Variants in CFAP61 observed in about 807,000 individuals in gnomAD.
CFAP61 encodes cilia and flagella associated protein 61.
Under a neutral mutation model 135.6 loss-of-function variants are expected in CFAP61, and 107 were observed. The observed-to-expected ratio is 0.79, with a 90% CI of 0.67 to 0.93. The LOEUF (loss-of-function observed/expected upper bound fraction) is 0.93. Among genes scored for constraint, CFAP61 ranks in the 40% least tolerant of loss-of-function variants. The probability of loss-of-function intolerance (pLI) is 0.00; values close to 1 mark genes in which losing one functional copy is unlikely to be tolerated. For synonymous variants in CFAP61, 575 were observed against 578.5 expected (o/e 0.99, Z 0.09); for missense variants, 1,507 against 1,556.2 (o/e 0.97, Z 0.53).
chr20:20,241,646 G>A (rs1464370164), intron 18 of CFAP61, among the ~76,000 whole-genome samples: 1 of 152,036 alleles, frequency 6.6e-6, no homozygotes, highest in African/African-American at 2.4e-5. Flanking sequence ...AGATGTAGCT[G>A]GATAATTATT....
intron 8 of CFAP61, among the ~76,000 whole-genome samples, chr20:20,100,993 A>G (rs1000292364): frequency 1.3e-5 from 2 of 152,240 alleles, no homozygotes; most frequent in African/African-American, 4.8e-5. Context: ...CTTTATGTTC[A>G]TTGACACAAA....
At chr20:20,356,110 T>G (rs1170025725) in intron 26 of CFAP61, among the ~76,000 whole-genome samples, 2 of 12,574 alleles carry the variant, frequency 1.6e-4, no homozygotes, top group Non-Finnish European at 2.3e-3. Flanking sequence ...GGGGAGGTGG[T>G]CACACTGAGG....
chr20:20,055,978 C>T (rs201513392), intron 1 of CFAP61: 18 of 1,610,598 alleles, frequency 1.1e-5, no homozygotes, highest in East Asian at 6.7e-5. Context: ...CCCAAAGTGT[C>T]CTTCTGGAAC....
intron 7 of CFAP61, among the ~76,000 whole-genome samples, chr20:20,095,226 G>A (rs1318566398): frequency 6.6e-6 from 1 of 152,052 alleles, no homozygotes; most frequent in African/African-American, 2.4e-5. Flanking sequence ...AGATCACACT[G>A]TTCACTTGAC....
chr20:20,123,241 G>C (rs757488178), intron 8 of CFAP61, among the ~76,000 whole-genome samples: 1 of 151,422 alleles, frequency 6.6e-6, no homozygotes, highest in African/African-American at 2.4e-5. Context: ...TCTGCTAACC[G>C]TTCCTTTTGC....
At chr20:20,086,701 G>A (rs1002597500) in intron 6 of CFAP61, among the ~76,000 whole-genome samples, 4 of 152,126 alleles carry the variant, frequency 2.6e-5, no homozygotes, top group Admixed American at 1.3e-4. Context: ...CCCAGTTCAC[G>A]TTGGCTATTG....
chr20:20,299,664 G>A lies in CFAP61; in HGVS notation c.3422+1278G>A, dbSNP rs182335557. Among the ~76,000 whole-genome samples the A allele has an allele frequency of 4.0e-4, 61 of 152,296 alleles. 1 individual carries two copies. The South Asian group carries it at 6.6e-3, about 17-fold the overall frequency. On this transcript the variant is annotated intron_variant, in intron 25 of 26. Coordinates refer to ENST00000245957, the MANE Select transcript of CFAP61 (RefSeq NM_015585.4). ...AGGTTTATGGCTTACCAAAGAAAGC[G>A]AGCATTCTGTTTAGCACGGTGTTTG...
At chr20:20,345,860 T>C (rs1454489492) in intron 26 of CFAP61, among the ~76,000 whole-genome samples, 1 of 150,470 alleles carries the variant, frequency 6.6e-6, no homozygotes, top group Non-Finnish European at 1.5e-5. Context: ...AGGCAGAGGT[T>C]GTATTTAGCT....
intron 2 of CFAP61, among the ~76,000 whole-genome samples, chr20:20,063,915 T>G (rs2045020877): frequency 6.6e-6 from 1 of 152,184 alleles, no homozygotes; most frequent in African/African-American, 2.4e-5. Context: ...TTTTTCTATT[T>G]ACACCCATGC....
intron 25 of CFAP61, among the ~76,000 whole-genome samples, chr20:20,304,563 A>G (rs984486681): frequency 2.2e-5 from 3 of 138,970 alleles, no homozygotes; most frequent in African/African-American, 8.3e-5. Context: ...CACAATGTAC[A>G]CTCACTCACA....
At chr20:20,350,973 G>T (rs6046810) in intron 26 of CFAP61, among the ~76,000 whole-genome samples, 133 of 152,024 alleles carry the variant, frequency 8.7e-4, no homozygotes, top group African/African-American at 3.0e-3. Context: ...AATAAAGGCC[G>T]TATATGACAA....
chr20:20,082,253 A>G (rs1465902681), intron 6 of CFAP61, among the ~76,000 whole-genome samples: 1 of 152,228 alleles, frequency 6.6e-6, no homozygotes, highest in Admixed American at 6.5e-5. Context: ...TAAGACACTG[A>G]ACCAGTGAAG....
At chr20:20,299,605 T>G (rs1003361579) in intron 25 of CFAP61, among the ~76,000 whole-genome samples, 1 of 152,246 alleles carries the variant, frequency 6.6e-6, no homozygotes, top group Non-Finnish European at 1.5e-5. Flanking sequence ...ATTTCCTAAA[T>G]AATATATTAA....
chr20:20,069,796 A>T, intron 2 of CFAP61: 1 of 455,512 alleles, frequency 2.2e-6, no homozygotes, highest in Non-Finnish European at 4.4e-6. Context: ...TGATAAAAAC[A>T]TAACTGGAAA....
In CFAP61 at chr20:20,320,376, T is replaced by TATATATGTAATATATATA. The variant is rs2057398420; in HGVS notation, c.3423-21439_3423-21422dup. On this transcript the variant is annotated intron_variant, in intron 25 of 26. Coordinates refer to ENST00000245957, the MANE Select transcript of CFAP61 (RefSeq NM_015585.4). ...TATATAATATATGTAATATATATTA[T>TATATATGTAATATATATA]ATATATGTAATATATATAATATATG... Among the ~76,000 whole-genome samples the TATATATGTAATATATATA allele has an allele frequency of 6.0e-4, 4 of 6,694 alleles. 1 individual carries two copies. The highest frequency in any genetic ancestry group is 0.011 in the East Asian group (2 of 190). 4.4% of individuals were successfully genotyped at this position (6,694 alleles called of 152,430 possible).
At chr20:20,106,711 T>G (rs2048434303) in intron 8 of CFAP61, among the ~76,000 whole-genome samples, 1 of 152,240 alleles carries the variant, frequency 6.6e-6, no homozygotes, top group Non-Finnish European at 1.5e-5. Context: ...TATTTGACTG[T>G]AAAACACATC....
intron 25 of CFAP61, among the ~76,000 whole-genome samples, chr20:20,340,480 C>T (rs2058398504): frequency 6.6e-6 from 1 of 151,994 alleles, no homozygotes; most frequent in Admixed American, 6.6e-5. Flanking sequence ...CGTGACAGAC[C>T]ACAGTGGGTT....
chr20:20,180,563 G>A (rs2054989440), intron 13 of CFAP61, among the ~76,000 whole-genome samples: 2 of 152,096 alleles, frequency 1.3e-5, no homozygotes, highest in Admixed American at 1.3e-4. Context: ...CTATTTGTGG[G>A]AGTGTAAATT....
intron 10 of CFAP61, among the ~76,000 whole-genome samples, chr20:20,162,862 A>G (rs2053517724): frequency 6.6e-6 from 1 of 152,192 alleles, no homozygotes; most frequent in African/African-American, 2.4e-5. Flanking sequence ...CAACAACAGA[A>G]CTTACACATT....
Sources: allele counts gnomAD v4.1 joint callset (sites outside exome capture counted in the v4.1 genomes callset), GRCh38; gene constraint gnomAD v4.1.1; transcripts MANE v1.5; gene names NCBI Gene and HGNC (gene_info 2026-07-23, HGNC 2026-07-21).